Variants in SNRPN observed in about 807,000 individuals in gnomAD.
The protein encoded by SNRPN is small nuclear ribonucleoprotein-associated protein N.
In SNRPN, 7 loss-of-function variants were observed where a neutral mutation model predicts 25.2. That is an observed-to-expected ratio of 0.28 (90% CI 0.16 to 0.52). The LOEUF (loss-of-function observed/expected upper bound fraction) is 0.52. Among genes scored for constraint, SNRPN ranks in the 20% least tolerant of loss-of-function variants. The pLI is 0.96. For synonymous variants in SNRPN, 124 were observed against 110.6 expected, an observed-to-expected ratio of 1.12 and a Z score of -0.76; for missense variants, 196 against 322.5, an observed-to-expected ratio of 0.61 and a Z score of 3.00.
chr15:24,881,564 GGAGGGAGGGAGGGAGGGAGGGAGA>G (rs1369052634), intron 1 of SNRPN, among the ~76,000 whole-genome samples: 2 of 37,810 alleles, frequency 5.3e-5, no homozygotes, highest in Non-Finnish European at 1.2e-4. Context: ...AGGGAGGGAG[GGAGGGAGGGAGGGAGGGAGGGAGA>G]GAGAGAGAGA....
At chr15:24,951,339 CT>C (rs1566944463), upstream of SNRPN, among the ~76,000 whole-genome samples, 1 of 152,098 alleles carries the variant, frequency 6.6e-6, no homozygotes, top group Non-Finnish European at 1.5e-5. Flanking sequence ...TTGTCATTGT[CT>C]TTTTAATTCT....
At chr15:24,941,452 A>G (rs1290511322) in intron 3 of SNRPN, among the ~76,000 whole-genome samples, 1 of 152,238 alleles carries the variant, frequency 6.6e-6, no homozygotes, top group East Asian at 1.9e-4. Context: ...AGCAAGCACC[A>G]CGGCTGGTTG....
intron 5 of SNRPN, 98 bp from the exon 6 acceptor site, chr15:24,976,207 C>A: frequency 1.1e-6 from 1 of 896,644 alleles, no homozygotes; most frequent in Non-Finnish European, 1.8e-6. Context: ...AAATGTTTAG[C>A]ATCAGTTGTC....
upstream of SNRPN, among the ~76,000 whole-genome samples, chr15:24,854,749 T>C (rs574800907): frequency 6.6e-6 from 1 of 152,318 alleles, no homozygotes; most frequent in East Asian, 1.9e-4. Flanking sequence ...CTCACACCTG[T>C]AATCCCAGCA....
intron 2 of SNRPN, chr15:24,966,923 T>C (rs1015480404): frequency 2.6e-5 from 4 of 152,222 alleles, no homozygotes; most frequent in African/African-American, 4.8e-5. Flanking sequence ...TACTGATTCA[T>C]AGGGGTATGT....
At chr15:24,918,487 T>TATATATGTGTGTATATATAAC (rs1566908992) in intron 2 of SNRPN, among the ~76,000 whole-genome samples, 3 of 125,130 alleles carry the variant, frequency 2.4e-5, no homozygotes, top group African/African-American at 2.8e-5. Context: ...TATAACATAA[T>TATATATGTGTGTATATATAAC]ATATATGTGT....
chr15:24,943,411 C>G (rs2061681333), intron 3 of SNRPN, among the ~76,000 whole-genome samples: 1 of 152,030 alleles, frequency 6.6e-6, no homozygotes, highest in Non-Finnish European at 1.5e-5. Context: ...AAGGGAACCC[C>G]CCATGAGCCA....
chr15:24,863,787 A>T (rs1335994267), intron 1 of SNRPN, among the ~76,000 whole-genome samples: 2 of 150,324 alleles, frequency 1.3e-5, no homozygotes, highest in African/African-American at 5.0e-5. Context: ...CTGTTTTCCT[A>T]GTTAACTGTG....
chr15:24,828,534 G>A lies in SNRPN; in HGVS notation c.-686-1264G>A, dbSNP rs1466524460. On this transcript the variant is annotated intron_variant, in intron 1 of 12. Coordinates refer to the SNRPN transcript ENST00000400100. The stretch of plus-strand genomic sequence containing the variant: ...TGCACTCCAGCCTGGGCGACAGAGC[G>A]AGACTCCGTCTCGAAAAAAACAAGA... 6.6e-5 allele frequency among the ~76,000 whole-genome samples: 10 copies of A among 152,120 alleles called. 1 individual carries two copies. The highest frequency in any genetic ancestry group is 1.9e-4 in the East Asian group (1 of 5,180).
At chr15:24,891,888 A>G (rs1478258882) in intron 2 of SNRPN, among the ~76,000 whole-genome samples, 1 of 152,222 alleles carries the variant, frequency 6.6e-6, no homozygotes, top group Non-Finnish European at 1.5e-5. Flanking sequence ...ATGAATCAGA[A>G]ACACATAGTA....
intron 1 of SNRPN, among the ~76,000 whole-genome samples, chr15:24,860,050 G>T (rs2053856117): frequency 6.6e-6 from 1 of 152,112 alleles, no homozygotes; most frequent in Non-Finnish European, 1.5e-5. Context: ...TGGGAATGCA[G>T]CCCAGTAGGT....
chr15:24,864,016 T>C lies in SNRPN; in HGVS notation c.-579+7300T>C, dbSNP rs534102612. On this transcript the variant is annotated intron_variant, in intron 1 of 11. Coordinates refer to the SNRPN transcript ENST00000400097. ...TTTTTAAATTTTATTTATTTATTTATTTTTATTTTATTATTATTTTTTTTT... is the reference window on the plus strand; with the variant it reads ...TTTTTAAATTTTATTTATTTATTTACTTTTATTTTATTATTATTTTTTTTT... Among the ~76,000 whole-genome samples the C allele has an allele frequency of 2.0e-4, 29 of 148,376 alleles. 1 individual carries two copies. Among genetic ancestry groups the C allele is most frequent in the African/African-American group, 6.0e-4 (24 of 40,014 alleles).
chr15:24,903,567 C>T (rs947337163), intron 2 of SNRPN, among the ~76,000 whole-genome samples: 9 of 152,144 alleles, frequency 5.9e-5, no homozygotes, highest in African/African-American at 1.9e-4. Context: ...GGCACAGGTT[C>T]CATTCATGCT....
In SNRPN at chr15:24,945,766, T is replaced by C. The variant is rs73354170; in HGVS notation, c.-390-16348T>C. 2.5e-3 allele frequency among the ~76,000 whole-genome samples: 379 copies of C among 152,332 alleles called. 2 individuals carry two copies. Among genetic ancestry groups the C allele is most frequent in the African/African-American group, 8.6e-3 (359 of 41,578 alleles). On this transcript the variant is annotated intron_variant, in intron 3 of 11. Coordinates refer to the SNRPN transcript ENST00000400097. ...TCTTCCTGAGCCTATCTTGGGATTT[T>C]CTAAGAAGGTTGCTATTAGTCTAGT...
At chr15:24,907,619 T>C (rs993906155) in intron 2 of SNRPN, among the ~76,000 whole-genome samples, 7 of 151,220 alleles carry the variant, frequency 4.6e-5, no homozygotes, top group African/African-American at 1.7e-4. Context: ...AAAAATCATG[T>C]TGAAATGTAA....
chr15:24,878,385 T>G (rs1052728611), intron 1 of SNRPN, among the ~76,000 whole-genome samples: 1 of 149,856 alleles, frequency 6.7e-6, no homozygotes, highest in Non-Finnish European at 1.5e-5. Context: ...ACCTGACAGT[T>G]GGGGAGAACG....
rs10626759 is a variant in SNRPN at position 24,956,354 on chromosome 15, C to CG, written c.-391+1299dup. Among the ~76,000 whole-genome samples, 591 of 138,222 alleles carry CG rather than the reference C, an allele frequency of 4.3e-3. 25 individuals are homozygous for CG. Among genetic ancestry groups the CG allele is most frequent in the African/African-American group, 0.013 (465 of 36,544 alleles). 90.7% of individuals were successfully genotyped at this position (138,222 alleles called of 152,430 possible). A position where few individuals can be genotyped will look rare whatever the true frequency, so the allele number is the denominator to read the frequency against. The stretch of plus-strand genomic sequence containing the variant: ...GCTTAGATCTGCGCAAGCGCTTCAG[C>CG]GGGGGGGTGGCCGCTTCCTCCCTGT... On this transcript the variant is annotated intron_variant, in intron 1 of 9. Transcript: ENST00000390687.
At chr15:24,939,055 C>G (rs927078502) in intron 3 of SNRPN, among the ~76,000 whole-genome samples, 3 of 152,154 alleles carry the variant, frequency 2.0e-5, no homozygotes, top group African/African-American at 7.2e-5. Context: ...ATATAATTGG[C>G]TTGGTGATGA....
Position 24,891,519 on chromosome 15 carries a change from C to G in SNRPN, c.-505+4930C>G, listed in dbSNP as rs751285581. Among the ~76,000 whole-genome samples, 6 of 151,986 alleles carry G rather than the reference C, an allele frequency of 3.9e-5. No homozygotes were observed. In the Middle Eastern group the frequency reaches 0.01, roughly 258 times the overall value. ...ATGGCGCAATCTCAGCTCACTGCAACTTCTGCCTCCTGGGTTCAAGCGATT... is the reference window on the plus strand; with the variant it reads ...ATGGCGCAATCTCAGCTCACTGCAAGTTCTGCCTCCTGGGTTCAAGCGATT... On this transcript the variant is annotated intron_variant, in intron 2 of 11. Coordinates refer to the SNRPN transcript ENST00000400097.
Sources: allele counts gnomAD v4.1 joint callset (sites outside exome capture counted in the v4.1 genomes callset), GRCh38; gene constraint gnomAD v4.1.1; transcripts MANE v1.5; gene names NCBI Gene and HGNC (gene_info 2026-07-23, HGNC 2026-07-21).